The following ZNF521 variants were observed in gnomAD, a reference collection of about 807,000 sequenced individuals.
ZNF521 encodes the protein LYST-interacting protein 3.
A neutral mutation model predicts 105.5 loss-of-function variants in ZNF521; 14 were observed. The observed-to-expected ratio is 0.13, with a 90% CI of 0.09 to 0.21. The LOEUF (loss-of-function observed/expected upper bound fraction) is 0.21, where lower values mean the gene tolerates loss of function less well. ZNF521 is among the 10% of genes least tolerant of loss of function. The pLI, the probability that ZNF521 is intolerant of heterozygous loss-of-function variation, is 1.00. For synonymous variants in ZNF521, 635 were observed against 606.0 expected, an observed-to-expected ratio of 1.05 and a Z score of -0.70; for missense variants, 1,233 against 1,629.7, an observed-to-expected ratio of 0.76 and a Z score of 4.19.
chr18:25,095,577 C>A (rs1311650207), intron 5 of ZNF521, among the ~76,000 whole-genome samples: 2 of 152,052 alleles, frequency 1.3e-5, no homozygotes, highest in Non-Finnish European at 2.9e-5. Context: ...CTACAATGAG[C>A]ACAATTTGCC....
chr18:25,170,086 C>T (rs962819222), intron 5 of ZNF521, among the ~76,000 whole-genome samples: 1 of 151,730 alleles, frequency 6.6e-6, no homozygotes, highest in Non-Finnish European at 1.5e-5. Context: ...CTCAGTTAAG[C>T]TGCAGATGTT....
At chr18:25,187,946 T>C (rs1016344000) in intron 5 of ZNF521, among the ~76,000 whole-genome samples, 2 of 152,188 alleles carry the variant, frequency 1.3e-5, no homozygotes, top group African/African-American at 4.8e-5. Context: ...AAACGAGGCA[T>C]TTTTCCTCAT....
At chr18:25,192,588 A>G (rs1044696115) in intron 5 of ZNF521, among the ~76,000 whole-genome samples, 2 of 152,138 alleles carry the variant, frequency 1.3e-5, no homozygotes, top group Non-Finnish European at 2.9e-5. Flanking sequence ...ATCTGCAAAA[A>G]CACTATATAC....
At chr18:25,177,633 T>C (rs946122316) in intron 5 of ZNF521, among the ~76,000 whole-genome samples, 3 of 152,058 alleles carry the variant, frequency 2.0e-5, no homozygotes, top group Non-Finnish European at 4.4e-5. Flanking sequence ...ATTGGACTGG[T>C]TTAAAAAATA....
At chr18:25,117,761 G>T (rs1433897172) in intron 5 of ZNF521, among the ~76,000 whole-genome samples, 1 of 151,904 alleles carries the variant, frequency 6.6e-6, no homozygotes, top group Non-Finnish European at 1.5e-5. Context: ...TAACCAGTAG[G>T]ATAATATCAA....
Position 25,241,491 on chromosome 18 carries a change from A to AT in ZNF521, c.221-13795dup, listed in dbSNP as rs201172959. 6.2e-3 allele frequency among the ~76,000 whole-genome samples: 950 copies of AT among 152,146 alleles called. 11 individuals are homozygous for AT. Among genetic ancestry groups the AT allele is most frequent in the African/African-American group, 0.021 (892 of 41,514 alleles). On this transcript the variant is annotated intron_variant, in intron 3 of 7. Coordinates refer to ENST00000361524, the MANE Select transcript of ZNF521 (RefSeq NM_015461.3). ...GGGAACAATGCAAACATGCTCGCTG[A>AT]TTTTTTTTAAATGGTTAAGTATAAA...
chr18:25,111,091 T>C (rs2034180593), intron 5 of ZNF521, among the ~76,000 whole-genome samples: 1 of 151,986 alleles, frequency 6.6e-6, no homozygotes, highest in Admixed American at 6.6e-5. Context: ...CAGGGCCTCC[T>C]TACTGCCTGC....
At chr18:25,337,497 T>A (rs1219277196) in intron 2 of ZNF521, among the ~76,000 whole-genome samples, 1 of 151,948 alleles carries the variant, frequency 6.6e-6, no homozygotes, top group Non-Finnish European at 1.5e-5. Context: ...CACAGAAAAA[T>A]AAATACAAAT....
intron 2 of ZNF521, among the ~76,000 whole-genome samples, chr18:25,327,118 C>T (rs571828763): frequency 6.6e-6 from 1 of 152,304 alleles, no homozygotes; most frequent in Admixed American, 6.5e-5. Flanking sequence ...GGCCCCAACA[C>T]TACACTGCTA....
chr18:25,336,489 C>T (rs757999659), intron 2 of ZNF521, among the ~76,000 whole-genome samples: 1 of 152,170 alleles, frequency 6.6e-6, no homozygotes, highest in Admixed American at 6.5e-5. Flanking sequence ...ACCAATCCGA[C>T]TTACCAAAAA....
rs1568020208 is a variant in ZNF521 at position 25,225,488 on chromosome 18, G to A, written c.2430C>T (p.Asn810=). ...GGAAGGCTTTGCTACAGAACTTGCA[G>A]TTGTACTTCTTACTGTGAGTGGTGA... ...CHITTHSKKY[N]CKFCSKAFHA... is the part of the protein sequence containing the mutation. The change falls in exon 4 of 8, where the codon AAC becomes AAT. Residue 810 remains asparagine, a synonymous_variant. Coordinates refer to ENST00000361524, the MANE Select transcript of ZNF521 (RefSeq NM_015461.3). This position sits in a 1 kb window ranked among gnomAD's most constrained non-coding sequence, Gnocchi z 5.6. 1 of 1,614,206 alleles carries A rather than the reference G, an allele frequency of 6.2e-7. No homozygotes were observed. The highest frequency in any genetic ancestry group is 8.5e-7 in the Non-Finnish European group (1 of 1,180,030).
In ZNF521 at chr18:25,090,622, T is replaced by C. The variant is rs2033723534; in HGVS notation, c.3791-1042A>G. ...TGCAGACTGTGCACGATTAATGCAT[T>C]TTTGTCTCTTTATCCGTATCAACAA... On this transcript the variant is annotated intron_variant, in intron 6 of 7. Transcript: ENST00000361524. 2.6e-5 allele frequency among the ~76,000 whole-genome samples: 4 copies of C among 152,164 alleles called. No individual in the cohort carries two copies. In the South Asian group the frequency reaches 8.3e-4, roughly 31 times the overall value.
intron 5 of ZNF521, among the ~76,000 whole-genome samples, chr18:25,172,994 G>A (rs915268158): frequency 6.6e-6 from 1 of 152,172 alleles, no homozygotes; most frequent in African/African-American, 2.4e-5. Context: ...TTTACTTCAC[G>A]TAACTGAAGT....
At chr18:25,092,221 A>G in intron 5 of ZNF521, 140 bp from the exon 6 acceptor site, 1 of 958,006 alleles carries the variant, frequency 1.0e-6, no homozygotes, top group Admixed American at 3.3e-5. Context: ...GTTTCTGGTT[A>G]TTTCACATTA....
At chr18:25,281,186 A>C (rs1910357415) in intron 3 of ZNF521, among the ~76,000 whole-genome samples, 1 of 152,232 alleles carries the variant, frequency 6.6e-6, no homozygotes, top group African/African-American at 2.4e-5. Context: ...TTTGATCTGC[A>C]GAAACTTTTT....
At chr18:25,224,175 G>GA in intron 4 of ZNF521, 170 bp downstream of exon 4, 1 of 665,012 alleles carries the variant, frequency 1.5e-6, no homozygotes, top group Non-Finnish European at 2.6e-6. Flanking sequence ...TGCTTATCAA[G>GA]AAGCAAGTAA....
intron 3 of ZNF521, among the ~76,000 whole-genome samples, chr18:25,311,347 G>C (rs1449479254): frequency 1.5e-5 from 2 of 134,652 alleles, no homozygotes. Context: ...ATCGTAAGTA[G>C]AGAACATGAA....
At chr18:25,250,878 T>C (rs1431460977) in intron 3 of ZNF521, among the ~76,000 whole-genome samples, 1 of 152,226 alleles carries the variant, frequency 6.6e-6, no homozygotes, top group East Asian at 1.9e-4. Flanking sequence ...GATTCTTAAG[T>C]GATTCATTCT....
intron 5 of ZNF521, among the ~76,000 whole-genome samples, chr18:25,160,872 A>G (rs940698119): frequency 5.3e-5 from 8 of 152,110 alleles, no homozygotes; most frequent in African/African-American, 1.9e-4. Context: ...AGATAATTCC[A>G]AATAAAATTC....
Sources: allele counts gnomAD v4.1 joint callset (sites outside exome capture counted in the v4.1 genomes callset), GRCh38; gene constraint gnomAD v4.1.1; non-coding constraint Gnocchi (gnomAD v3.1); transcripts MANE v1.5; gene names NCBI Gene and HGNC (gene_info 2026-07-23, HGNC 2026-07-21).